The following SNRPD2 variants were observed in gnomAD, a reference collection of about 807,000 sequenced individuals.
SNRPD2 encodes the protein small nuclear ribonucleoprotein D2 polypeptide.
In SNRPD2, 1 loss-of-function variant was observed where a neutral mutation model predicts 11.5. The observed-to-expected ratio is 0.09, with a 90% CI of 0.03 to 0.41. The LOEUF (loss-of-function observed/expected upper bound fraction) is 0.41. Among genes scored for constraint, SNRPD2 ranks in the 10% least tolerant of loss-of-function variants. The probability of loss-of-function intolerance (pLI) is 0.98; values close to 1 mark genes in which losing one functional copy is unlikely to be tolerated. For synonymous variants in SNRPD2, 63 were observed against 61.5 expected (o/e 1.02, Z -0.12); for missense variants, 77 against 154.9 (o/e 0.50, Z 2.67).
chr19:45,690,127 C>T (rs1309105063), intron 1 of SNRPD2, among the ~76,000 whole-genome samples: 2 of 150,312 alleles, frequency 1.3e-5, no homozygotes, highest in African/African-American at 2.4e-5. Flanking sequence ...GTCAGGAGAT[C>T]GAGACCATCC....
intron 1 of SNRPD2, chr19:45,689,235 T>C (rs1434306925): frequency 1.9e-6 from 1 of 520,200 alleles, no homozygotes; most frequent in East Asian, 5.4e-5. Flanking sequence ...TTTCTTACCA[T>C]GGCCTAAGCC....
chr19:45,691,784 T>C, intron 1 of SNRPD2, 103 bp downstream of exon 1: 1 of 1,411,918 alleles, frequency 7.1e-7, no homozygotes, highest in South Asian at 1.2e-5. Context: ...CCCTAAAACA[T>C]CTGCCCCTGC....
Position 45,687,511 on chromosome 19 carries a change from C to T in SNRPD2, c.*42G>A, listed in dbSNP as rs1967439358. On this transcript the variant is annotated 3_prime_UTR_variant, in exon 3 of 3. Coordinates refer to ENST00000342669, the MANE Select transcript of SNRPD2 (RefSeq NM_001384647.1). The surrounding 1 kb of genome is among the most constrained non-coding windows in gnomAD (Gnocchi z 4.1). ...TCTCAACACCAATGGCAGCGGTCTT[C>T]ATAGGACAGAGGAGTGAGTTCTGTC... 6.3e-7 allele frequency: 1 copy of T among 1,587,274 alleles called. No homozygotes were observed. Among genetic ancestry groups the T allele is most frequent in the East Asian group, 2.2e-5 (1 of 44,758 alleles).
upstream of SNRPD2, chr19:45,692,055 T>A: frequency 6.4e-7 from 1 of 1,556,552 alleles, no homozygotes; most frequent in Non-Finnish European, 8.7e-7. Context: ...CCACCAACGG[T>A]GCACAATGAT....
rs375067340 is a variant in SNRPD2 at position 45,688,470 on chromosome 19, T to C, written c.99A>G (p.Thr33=). 3.7e-6 allele frequency: 6 copies of C among 1,614,068 alleles called. No individual in the cohort carries two copies. The highest frequency in any genetic ancestry group is 5.1e-6 in the Non-Finnish European group (6 of 1,179,990). ...EFNTGPLSVL[T]QSVKNNTQVL... ...CTTGGGTATTGTTCTTGACTGACTG[T>C]GTGAGCACAGAGAGTGGACCGGTGT... The change falls in exon 2 of 3, where the codon ACA becomes ACG. Residue 33 remains threonine, a synonymous_variant. Transcript: ENST00000342669. This position sits in a 1 kb window ranked among gnomAD's most constrained non-coding sequence, Gnocchi z 4.1.
chr19:45,687,468 AAC>A lies in SNRPD2; in HGVS notation c.*83_*84del, dbSNP rs1967438603. On this transcript the variant is annotated 3_prime_UTR_variant, in exon 3 of 3. Transcript: ENST00000342669. The surrounding 1 kb of genome is among the most constrained non-coding windows in gnomAD (Gnocchi z 4.1). ...CTGGAAACAGATACCACTAGAAAAAAACACAGAGCTTTATTATTCTCAACACC... is the reference window on the plus strand; with the variant it reads ...CTGGAAACAGATACCACTAGAAAAAAACAGAGCTTTATTATTCTCAACACC... 12 of 1,344,832 alleles carry A rather than the reference AAC, an allele frequency of 8.9e-6. No individual in the cohort carries two copies. The highest frequency in any genetic ancestry group is 1.3e-5 in the Non-Finnish European group (12 of 958,044). The allele number at this position is 1,344,832 out of a possible 1,614,324, so 83.3% of individuals were successfully genotyped here.
intron 1 of SNRPD2, among the ~76,000 whole-genome samples, chr19:45,690,211 G>T (rs1967501789): frequency 6.7e-6 from 1 of 149,186 alleles, no homozygotes; most frequent in Admixed American, 6.8e-5. Flanking sequence ...GGCGCCTGTA[G>T]TCCCAGCTAC....
upstream of SNRPD2, chr19:45,692,172 T>G: frequency 1.7e-6 from 1 of 604,048 alleles, no homozygotes; most frequent in Non-Finnish European, 2.7e-6. Context: ...AAACCGTTTC[T>G]TGAAGAATGG....
At chr19:45,690,924 G>A (rs1967529440) in intron 1 of SNRPD2, among the ~76,000 whole-genome samples, 1 of 151,934 alleles carries the variant, frequency 6.6e-6, no homozygotes, top group African/African-American at 2.4e-5. Flanking sequence ...TGTAGCTTAA[G>A]CAGTGTCTGA....
At position 45,691,880 on chromosome 19, in the gene SNRPD2, G is replaced by T. The variant is rs1336228822; in HGVS notation, c.2+7C>A. 11 of 1,614,048 alleles carry T rather than the reference G, an allele frequency of 6.8e-6. No homozygotes were observed. Among genetic ancestry groups the T allele is most frequent in the Non-Finnish European group, 9.3e-6 (11 of 1,179,972 alleles). On this transcript the variant is annotated splice_region_variant and intron_variant, in intron 1 of 2. Transcript: ENST00000342669. ...ATTCCCGCCGCCTAAGCCTAGCCCG[G>T]CCTCACATGATGGTCACTACGCTCT...
chr19:45,688,485 T>G lies in SNRPD2; in HGVS notation c.84A>C (p.Pro28=), dbSNP rs769574557. ...TGACTGACTGTGTGAGCACAGAGAG[T>G]GGACCGGTGTTAAATTCCTCCTCCT... is the stretch of plus-strand genomic sequence containing the variant. ...KREEEEFNTG[P]LSVLTQSVKN... The change falls in exon 2 of 3, where the codon CCA becomes CCC. Residue 28 remains proline (P), a synonymous_variant. Coordinates refer to ENST00000342669, the MANE Select transcript of SNRPD2 (RefSeq NM_001384647.1). The surrounding 1 kb of genome is among the most constrained non-coding windows in gnomAD (Gnocchi z 4.1). 2 of 1,613,994 alleles carry G rather than the reference T, an allele frequency of 1.2e-6. No individual in the cohort carries two copies. The highest frequency in any genetic ancestry group is 1.7e-6 in the Non-Finnish European group (2 of 1,179,888).
rs373585089 is a variant in SNRPD2, at chr19:45,691,878, C to G, written c.2+9G>C. ...TCATTCCCGCCGCCTAAGCCTAGCC[C>G]GGCCTCACATGATGGTCACTACGCT... is the stretch of plus-strand genomic sequence containing the variant. On this transcript the variant is annotated intron_variant, in intron 1 of 2. Transcript: ENST00000342669. The G allele has an allele frequency of 1.4e-5, 23 of 1,614,046 alleles. No individual in the cohort carries two copies. The highest frequency in any genetic ancestry group is 1.9e-5 in the Non-Finnish European group (22 of 1,180,010).
Position 45,688,288 on chromosome 19 carries a change from C to T in SNRPD2, c.182+99G>A, listed in dbSNP as rs1322535516. The T allele has an allele frequency of 1.8e-6, 2 of 1,088,046 alleles. No individual in the cohort carries two copies. The highest frequency in any genetic ancestry group is 2.7e-6 in the Non-Finnish European group (2 of 735,542). The allele number at this position is 1,088,046 out of a possible 1,614,324, so 67.4% of individuals were successfully genotyped here. ...ATGAGCCACCACGCCTGGCCATACACCCCAGGCTTCTGAGACAGCTGTCTT... is the reference window on the plus strand; with the variant it reads ...ATGAGCCACCACGCCTGGCCATACATCCCAGGCTTCTGAGACAGCTGTCTT... On this transcript the variant is annotated intron_variant, in intron 2 of 2. Transcript: ENST00000342669. This position sits in a 1 kb window ranked among gnomAD's most constrained non-coding sequence, Gnocchi z 4.1.
At position 45,688,638 on chromosome 19, in the gene SNRPD2, G is replaced by T; in HGVS notation, c.3-72C>A. ...AGAGGCTGGAGCTGTGAGGATGGGT[G>T]ATCAGGGCCTTGGCTTCAGTGTCTC... is the stretch of plus-strand genomic sequence containing the variant. On this transcript the variant is annotated intron_variant, in intron 1 of 2. Coordinates refer to ENST00000342669, the MANE Select transcript of SNRPD2 (RefSeq NM_001384647.1). This position sits in a 1 kb window ranked among gnomAD's most constrained non-coding sequence, Gnocchi z 4.1. The T allele has an allele frequency of 8.2e-7, 1 of 1,213,108 alleles. No individual in the cohort carries two copies. The allele number at this position is 1,213,108 out of a possible 1,614,324, so 75.1% of individuals were successfully genotyped here.
In SNRPD2 at chr19:45,688,050, G is replaced by C. The variant is rs897584804; in HGVS notation, c.183-323C>G. ...TGCCCAGGCTGCAATGCAGTGGTGC[G>C]ATTTCAGCTCACCACAACCTCCGCC... On this transcript the variant is annotated intron_variant, in intron 2 of 2. Transcript: ENST00000342669. This position sits in a 1 kb window ranked among gnomAD's most constrained non-coding sequence, Gnocchi z 4.1. Among the ~76,000 whole-genome samples, 5 of 152,190 alleles carry C rather than the reference G, an allele frequency of 3.3e-5. No homozygotes were observed. Among genetic ancestry groups the C allele is most frequent in the African/African-American group, 1.2e-4 (5 of 41,442 alleles).
rs1468194528 is a variant in SNRPD2 at position 45,688,572 on chromosome 19, T to G, written c.3-6A>C. On this transcript the variant is annotated splice_region_variant and splice_polypyrimidine_tract_variant and intron_variant, in intron 1 of 2. Transcript: ENST00000342669. The surrounding 1 kb of genome is among the most constrained non-coding windows in gnomAD (Gnocchi z 4.1). ...TGGGCTTGTTGAGGAGGCTCCTGCA[T>G]GGACAAACATGGAACCAATAAGTGA... 7 of 1,611,452 alleles carry G rather than the reference T, an allele frequency of 4.3e-6. No homozygotes were observed. The highest frequency in any genetic ancestry group is 5.1e-6 in the Non-Finnish European group (6 of 1,177,802).
At chr19:45,691,613 G>T (rs1967556025) in intron 1 of SNRPD2, 2 of 462,402 alleles carry the variant, frequency 4.3e-6, no homozygotes, top group East Asian at 7.0e-5. Context: ...TTCCAGCGAT[G>T]CTCCGCCTTG....
Position 45,688,476 on chromosome 19 carries a change from C to T in SNRPD2, c.93G>A (p.Val31=), listed in dbSNP as rs1048876415. 1.4e-5 allele frequency: 23 copies of T among 1,613,996 alleles called. No individual in the cohort carries two copies. The highest frequency in any genetic ancestry group is 1.8e-5 in the Non-Finnish European group (21 of 1,179,954). The change falls in exon 2 of 3, where the codon GTG becomes GTA. Residue 31 remains valine (V), a synonymous_variant. Coordinates refer to ENST00000342669, the MANE Select transcript of SNRPD2 (RefSeq NM_001384647.1). The surrounding 1 kb of genome is among the most constrained non-coding windows in gnomAD (Gnocchi z 4.1). ...TATTGTTCTTGACTGACTGTGTGAGCACAGAGAGTGGACCGGTGTTAAATT... is the reference window on the plus strand; with the variant it reads ...TATTGTTCTTGACTGACTGTGTGAGTACAGAGAGTGGACCGGTGTTAAATT... ...EEEFNTGPLS[V]LTQSVKNNTQ...
chr19:45,688,682 C>A lies in SNRPD2; in HGVS notation c.3-116G>T. On this transcript the variant is annotated intron_variant, in intron 1 of 2. Coordinates refer to ENST00000342669, the MANE Select transcript of SNRPD2 (RefSeq NM_001384647.1). The surrounding 1 kb of genome is among the most constrained non-coding windows in gnomAD (Gnocchi z 4.1). Reference sequence around the variant, plus strand: ...GTGTCTCCCCAACCTTGTCCCACCACATCTGTCCTCCTGTTCAGCCTTCTG... The same window carrying A: ...GTGTCTCCCCAACCTTGTCCCACCAAATCTGTCCTCCTGTTCAGCCTTCTG... The A allele has an allele frequency of 1.4e-6, 1 of 739,548 alleles. No individual in the cohort carries two copies. Among genetic ancestry groups the A allele is most frequent in the Non-Finnish European group, 2.3e-6 (1 of 426,722 alleles). 45.8% of individuals were successfully genotyped at this position (739,548 alleles called of 1,614,324 possible). A position where few individuals can be genotyped will look rare whatever the true frequency, so the allele number is the denominator to read the frequency against.
Sources: gnomAD v4.1 joint callset for allele counts (sites outside exome capture counted in the v4.1 genomes callset) on GRCh38, gnomAD v4.1.1 for gene constraint, Gnocchi (gnomAD v3.1) non-coding constraint, MANE v1.5 for transcripts, NCBI Gene and HGNC (gene_info 2026-07-23, HGNC 2026-07-21) for gene names.